The following EMP1 variants were observed in gnomAD, a reference collection of about 807,000 sequenced individuals.
The protein encoded by EMP1 is epithelial membrane protein 1.
Under a neutral mutation model 15.7 loss-of-function variants are expected in EMP1, and 5 were observed. That is an observed-to-expected ratio of 0.32 (90% CI 0.17 to 0.67). The LOEUF (loss-of-function observed/expected upper bound fraction) is 0.67. Ranked by LOEUF, EMP1 falls within the 30% of genes least tolerant of loss-of-function variation. The probability of loss-of-function intolerance (pLI) is 0.74; values close to 1 mark genes in which losing one functional copy is unlikely to be tolerated. For synonymous variants in EMP1, 78 were observed against 76.7 expected (o/e 1.02, Z -0.09); for missense variants, 166 against 194.2 (o/e 0.85, Z 0.86).
intron 1 of EMP1, among the ~76,000 whole-genome samples, chr12:13,202,536 A>G (rs1864075242): frequency 6.6e-6 from 1 of 152,124 alleles, no homozygotes; most frequent in South Asian, 2.1e-4. Context: ...ATCTCAGAGA[A>G]AGCTCTGAAG....
At chr12:13,202,345 C>A (rs1032018340) in intron 1 of EMP1, among the ~76,000 whole-genome samples, 12 of 152,212 alleles carry the variant, frequency 7.9e-5, no homozygotes, top group Non-Finnish European at 4.4e-5. Context: ...GCTGGAACCT[C>A]TTCAATGTTT....
intron 1 of EMP1, 110 bp downstream of exon 1, chr12:13,196,982 G>A (rs564435061): frequency 2.0e-5 from 3 of 152,178 alleles, no homozygotes; most frequent in East Asian, 3.9e-4. Context: ...TTCTTCCTTC[G>A]CTATTTTTCT....
chr12:13,216,189 C>T lies in EMP1; in HGVS notation c.*1498C>T, dbSNP rs778591634. The stretch of plus-strand genomic sequence containing the variant: ...TTTTTTGGGAAGACGTTTTCTTTAT[C>T]GCCCTGAGAAGATCTACCCCAGGGA... On this transcript the variant is annotated 3_prime_UTR_variant, in exon 5 of 5. Coordinates refer to ENST00000256951, the MANE Select transcript of EMP1 (RefSeq NM_001423.3). 5.5e-6 allele frequency: 3 copies of T among 544,092 alleles called. No homozygotes were observed. Among genetic ancestry groups the T allele is most frequent in the Non-Finnish European group, 9.7e-6 (3 of 307,988 alleles). 33.7% of individuals were successfully genotyped at this position (544,092 alleles called of 1,614,324 possible). A position where few individuals can be genotyped will look rare whatever the true frequency, so the allele number is the denominator to read the frequency against.
chr12:13,204,535 A>C (rs1394986077), intron 1 of EMP1, among the ~76,000 whole-genome samples: 1 of 152,172 alleles, frequency 6.6e-6, no homozygotes, highest in Non-Finnish European at 1.5e-5. Flanking sequence ...CAAAAGCAAA[A>C]TGCTCCCGAC....
At position 13,211,866 on chromosome 12, in the gene EMP1, A is replaced by T. The variant is rs576598748; in HGVS notation, c.78+278A>T. The T allele has an allele frequency of 1.2e-4, 50 of 429,174 alleles. No homozygotes were observed. The highest frequency in any genetic ancestry group is 9.5e-4 in the South Asian group (34 of 35,974). The allele number at this position is 429,174 out of a possible 1,614,324, so 26.6% of individuals were successfully genotyped here. ...TCTCTAGAAGAGCCTTCCCAGCAGC[A>T]GGGGTGAGTGGAGCTTGAGGTGAAC... is the stretch of plus-strand genomic sequence containing the variant. On this transcript the variant is annotated intron_variant, in intron 2 of 4. Coordinates refer to ENST00000256951, the MANE Select transcript of EMP1 (RefSeq NM_001423.3). The surrounding 1 kb of genome is among the most constrained non-coding windows in gnomAD (Gnocchi z 4.7).
Position 13,216,581 on chromosome 12 carries a change from C to G in EMP1, c.*1890C>G. On this transcript the variant is annotated 3_prime_UTR_variant, in exon 5 of 5. Transcript: ENST00000256951. Reference sequence around the variant, plus strand: ...GAAGTTGAACTATGACTGGAGTAAACCATGTATTCCCTTATCTTTTACTTT... The same window carrying G: ...GAAGTTGAACTATGACTGGAGTAAAGCATGTATTCCCTTATCTTTTACTTT... 1.6e-6 allele frequency: 1 copy of G among 632,808 alleles called. No individual in the cohort carries two copies. Among genetic ancestry groups the G allele is most frequent in the South Asian group, 1.8e-5 (1 of 54,718 alleles). 39.2% of individuals were successfully genotyped at this position (632,808 alleles called of 1,614,324 possible). A position where few individuals can be genotyped will look rare whatever the true frequency, so the allele number is the denominator to read the frequency against.
chr12:13,201,802 T>C lies in EMP1; in HGVS notation c.-43+4930T>C, dbSNP rs547354212. Among the ~76,000 whole-genome samples, 18 of 152,250 alleles carry C rather than the reference T, an allele frequency of 1.2e-4. No individual in the cohort carries two copies. In the South Asian group the frequency reaches 3.5e-3, roughly 30 times the overall value. ...AGGGCAGGCTGAGTCTGTGAAGACA[T>C]TGACAACAGCAAAGCATTCACCAGG... On this transcript the variant is annotated intron_variant, in intron 1 of 4. Coordinates refer to ENST00000256951, the MANE Select transcript of EMP1 (RefSeq NM_001423.3).
At chr12:13,214,129 A>G in intron 4 of EMP1, 1 of 610,098 alleles carries the variant, frequency 1.6e-6, no homozygotes, top group South Asian at 2.0e-5. Context: ...AGATGAAACC[A>G]CTGCCACAAT....
At chr12:13,197,551 G>A (rs1394276232) in intron 1 of EMP1, among the ~76,000 whole-genome samples, 2 of 152,062 alleles carry the variant, frequency 1.3e-5, no homozygotes, top group African/African-American at 2.4e-5. Context: ...TGAGGCGGGC[G>A]GATCACCTGA....
In EMP1 at chr12:13,211,264, T is replaced by C. The variant is rs919224895; in HGVS notation, c.-42-205T>C. Among the ~76,000 whole-genome samples, 5 of 152,196 alleles carry C rather than the reference T, an allele frequency of 3.3e-5. No homozygotes were observed. Among genetic ancestry groups the C allele is most frequent in the African/African-American group, 1.2e-4 (5 of 41,460 alleles). On this transcript the variant is annotated intron_variant, in intron 1 of 4. Coordinates refer to ENST00000256951, the MANE Select transcript of EMP1 (RefSeq NM_001423.3). This position sits in a 1 kb window ranked among gnomAD's most constrained non-coding sequence, Gnocchi z 4.7. Reference sequence around the variant, plus strand: ...AAGAAGAAACCAAATTCTGTTTCCATGTAGGTATGTATAACTGGATGAATA... The same window carrying C: ...AAGAAGAAACCAAATTCTGTTTCCACGTAGGTATGTATAACTGGATGAATA...
chr12:13,198,082 T>A (rs1036075998), intron 1 of EMP1, among the ~76,000 whole-genome samples: 3 of 152,214 alleles, frequency 2.0e-5, no homozygotes, highest in African/African-American at 7.2e-5. Flanking sequence ...AAAGATGGCA[T>A]ACCAGAAACG....
intron 1 of EMP1, among the ~76,000 whole-genome samples, chr12:13,204,284 C>A (rs1864091240): frequency 6.6e-6 from 1 of 152,064 alleles, no homozygotes. Context: ...TGCATAAACA[C>A]AATATTGAGA....
In EMP1 at chr12:13,216,189, C is replaced by A. The variant is rs778591634; in HGVS notation, c.*1498C>A. 7.4e-6 allele frequency: 4 copies of A among 544,210 alleles called. No individual in the cohort carries two copies. The East Asian group carries it at 9.5e-5, about 13-fold the overall frequency. 33.7% of individuals were successfully genotyped at this position (544,210 alleles called of 1,614,324 possible). A position where few individuals can be genotyped will look rare whatever the true frequency, so the allele number is the denominator to read the frequency against. On this transcript the variant is annotated 3_prime_UTR_variant, in exon 5 of 5. Coordinates refer to ENST00000256951, the MANE Select transcript of EMP1 (RefSeq NM_001423.3). ...TTTTTTGGGAAGACGTTTTCTTTATCGCCCTGAGAAGATCTACCCCAGGGA... is the reference window on the plus strand; with the variant it reads ...TTTTTTGGGAAGACGTTTTCTTTATAGCCCTGAGAAGATCTACCCCAGGGA...
chr12:13,213,927 T>C (rs1381687008), intron 4 of EMP1, 106 bp downstream of exon 4: 1 of 1,509,208 alleles, frequency 6.6e-7, no homozygotes, highest in South Asian at 1.1e-5. Context: ...GAAACTTCCT[T>C]GTGCAATTTT....
At chr12:13,207,569 G>A (rs1864121584) in intron 1 of EMP1, among the ~76,000 whole-genome samples, 1 of 152,178 alleles carries the variant, frequency 6.6e-6, no homozygotes, top group Admixed American at 6.5e-5. Flanking sequence ...GCAGAAAGAA[G>A]AACAGAAAAG....
In EMP1 at chr12:13,216,113, C is replaced by T; in HGVS notation, c.*1422C>T. ...GTTATTCCTGGTTAAGCAGGCATTG[C>T]TTTGCCCTGGAGCAGCTATTTTAAG... On this transcript the variant is annotated 3_prime_UTR_variant, in exon 5 of 5. Coordinates refer to ENST00000256951, the MANE Select transcript of EMP1 (RefSeq NM_001423.3). 2.5e-6 allele frequency: 1 copy of T among 395,780 alleles called. No individual in the cohort carries two copies. The highest frequency in any genetic ancestry group is 4.6e-6 in the Non-Finnish European group (1 of 218,778). The allele number at this position is 395,780 out of a possible 1,614,324, so 24.5% of individuals were successfully genotyped here.
intron 1 of EMP1, among the ~76,000 whole-genome samples, chr12:13,198,506 T>C (rs1230959783): frequency 2.0e-5 from 3 of 152,230 alleles, no homozygotes; most frequent in Non-Finnish European, 4.4e-5. Context: ...GGGGGACGAT[T>C]GAGTAGGCAT....
At chr12:13,212,875 C>G (rs1864178608) in intron 2 of EMP1, among the ~76,000 whole-genome samples, 1 of 152,190 alleles carries the variant, frequency 6.6e-6, no homozygotes, top group Non-Finnish European at 1.5e-5. Flanking sequence ...TCAGGTCACC[C>G]TTCAGCTTTT....
rs1864203862 is a variant in EMP1 at position 13,215,221 on chromosome 12, G to T, written c.*530G>T. On this transcript the variant is annotated 3_prime_UTR_variant, in exon 5 of 5. Transcript: ENST00000256951. ...GCCTGTGAGCCATTGTCCCTCTTTG[G>T]AACAGATATTTAGCTCTGTGGAATT... The T allele has an allele frequency of 6.5e-6, 1 of 154,160 alleles. No individual in the cohort carries two copies. 9.5% of individuals were successfully genotyped at this position (154,160 alleles called of 1,614,324 possible). A position where few individuals can be genotyped will look rare whatever the true frequency, so the allele number is the denominator to read the frequency against.
Sources: gnomAD v4.1 joint callset for allele counts (sites outside exome capture counted in the v4.1 genomes callset) on GRCh38, gnomAD v4.1.1 for gene constraint, Gnocchi (gnomAD v3.1) non-coding constraint, MANE v1.5 for transcripts, NCBI Gene and HGNC (gene_info 2026-07-23, HGNC 2026-07-21) for gene names.